ZNF664: variants seen among roughly 807,000 people sequenced by gnomAD.
The protein encoded by ZNF664 is zinc finger Organ of Corti 1.
A neutral mutation model predicts 18.2 loss-of-function variants in ZNF664; 10 were observed. The observed-to-expected ratio is 0.55, with a 90% confidence interval of 0.34 to 0.93. The LOEUF (loss-of-function observed/expected upper bound fraction) is 0.93, where lower values mean the gene tolerates loss of function less well. ZNF664 is among the 40% of genes least tolerant of loss of function. The pLI is 0.02. For synonymous variants in ZNF664, 119 were observed against 104.2 expected (o/e 1.14, Z -0.86); for missense variants, 193 against 319.0 (o/e 0.61, Z 3.01).
intron 3 of ZNF664, among the ~76,000 whole-genome samples, chr12:124,001,610 C>CCTGACCT (rs1222991025): frequency 6.6e-6 from 1 of 152,200 alleles, no homozygotes; most frequent in Non-Finnish European, 1.5e-5. Context: ...AGTGGTCTCC[C>CCTGACCT]CTGACCTCTG....
intron 2 of ZNF664, among the ~76,000 whole-genome samples, chr12:123,976,648 G>A (rs897271484): frequency 6.6e-6 from 1 of 152,164 alleles, no homozygotes; most frequent in Non-Finnish European, 1.5e-5. Flanking sequence ...ATGTGGGGGC[G>A]TGTTGGGGGT....
chr12:123,982,592 TAGA>T (rs1956778500), intron 2 of ZNF664, among the ~76,000 whole-genome samples: 1 of 152,156 alleles, frequency 6.6e-6, no homozygotes, highest in Non-Finnish European at 1.5e-5. Context: ...CCAAATTCTC[TAGA>T]AGGACAATCT....
intron 3 of ZNF664, chr12:123,989,445 AAG>A (rs1374955026): frequency 6.6e-6 from 1 of 152,186 alleles, no homozygotes; most frequent in Non-Finnish European, 1.5e-5. Flanking sequence ...CGTGAGTGGT[AAG>A]ACCAAAGAGT....
At chr12:123,993,353 T>G (rs968997667) in intron 3 of ZNF664, among the ~76,000 whole-genome samples, 3 of 152,174 alleles carry the variant, frequency 2.0e-5, no homozygotes, top group Non-Finnish European at 4.4e-5. Flanking sequence ...ATTTCAGAAC[T>G]ATTGATGATG....
Position 124,015,296 on chromosome 12 carries a change from G to C in ZNF664, c.*2366G>C, listed in dbSNP as rs2138479885. ...AATTATTTTATCATGCTGTTGCTGG[G>C]GAATATGACTAACCCTTTTGAAGCT... On this transcript the variant is annotated 3_prime_UTR_variant, in exon 5 of 5. Coordinates refer to ENST00000337815, the MANE Select transcript of ZNF664 (RefSeq NM_152437.3). 6.0e-6 allele frequency: 1 copy of C among 167,114 alleles called. No individual in the cohort carries two copies. Among genetic ancestry groups the C allele is most frequent in the South Asian group, 2.1e-4 (1 of 4,820 alleles). The allele number at this position is 167,114 out of a possible 1,614,324, so 10.4% of individuals were successfully genotyped here.
Position 124,012,111 on chromosome 12 carries a change from T to G in ZNF664, c.-34T>G. ...GTAACTGTAGTAATCATAAGGAAAT[T>G]TTCTCCTTGAAATCACGATACCAAA... is the stretch of plus-strand genomic sequence containing the variant. On this transcript the variant is annotated 5_prime_UTR_variant, in exon 5 of 5. The change creates a new upstream start codon in the 5' untranslated region. Transcript: ENST00000337815. 1 of 1,571,906 alleles carries G rather than the reference T, an allele frequency of 6.4e-7. No individual in the cohort carries two copies. The highest frequency in any genetic ancestry group is 1.2e-5 in the South Asian group (1 of 82,354).
rs563231083 is a variant in ZNF664 at position 123,977,548 on chromosome 12, T to G, written c.-757+3528T>G. Among the ~76,000 whole-genome samples the G allele has an allele frequency of 7.1e-4, 107 of 150,898 alleles. 1 individual carries two copies. Among genetic ancestry groups the G allele is most frequent in the African/African-American group, 2.3e-3 (96 of 41,076 alleles). ...AGTGAACCGTGTAGGCACAACCTTA[T>G]AGAGTCAAGTGTGCACTCTGTGGAG... is the stretch of plus-strand genomic sequence containing the variant. On this transcript the variant is annotated intron_variant, in intron 2 of 4. Coordinates refer to ENST00000337815, the MANE Select transcript of ZNF664 (RefSeq NM_152437.3).
rs999129466 is a variant in ZNF664 at position 123,985,457 on chromosome 12, T to A, written c.-756-2586T>A. Among the ~76,000 whole-genome samples, 4 of 152,250 alleles carry A rather than the reference T, an allele frequency of 2.6e-5. No individual in the cohort carries two copies. The South Asian group carries it at 8.3e-4, about 31-fold the overall frequency. On this transcript the variant is annotated intron_variant, in intron 2 of 4. Coordinates refer to ENST00000337815, the MANE Select transcript of ZNF664 (RefSeq NM_152437.3). ...TTACTATTCTGACACACGTCAAATG[T>A]TAAATCCTTTAAATCTATGAGACCA...
At chr12:124,005,520 T>TGTGTGA (rs1957062755) in intron 3 of ZNF664, among the ~76,000 whole-genome samples, 1 of 149,538 alleles carries the variant, frequency 6.7e-6, no homozygotes, top group Admixed American at 6.7e-5. Context: ...TGTGTGTGTG[T>TGTGTGA]GTGTGAGAGA....
At position 123,973,955 on chromosome 12, in the gene ZNF664, G is replaced by T. The variant is rs1956641400; in HGVS notation, c.-822G>T. 1.2e-5 allele frequency: 15 copies of T among 1,231,946 alleles called. No homozygotes were observed. The highest frequency in any genetic ancestry group is 1.5e-5 in the Non-Finnish European group (15 of 988,106). 76.3% of individuals were successfully genotyped at this position (1,231,946 alleles called of 1,614,324 possible). On this transcript the variant is annotated 5_prime_UTR_variant, in exon 2 of 5. Coordinates refer to ENST00000337815, the MANE Select transcript of ZNF664 (RefSeq NM_152437.3). ...ATGAGGAACCCCTCGCGCACCCAGC[G>T]CAGAAGGCTGCTGCCGCCGGACGCC...
At chr12:123,982,667 A>G (rs1157408010) in intron 2 of ZNF664, among the ~76,000 whole-genome samples, 1 of 152,150 alleles carries the variant, frequency 6.6e-6, no homozygotes, top group Non-Finnish European at 1.5e-5. Flanking sequence ...CGCTTACAGG[A>G]GCAGATTCAT....
At chr12:123,986,896 T>C (rs1956831764) in intron 2 of ZNF664, among the ~76,000 whole-genome samples, 1 of 152,358 alleles carries the variant, frequency 6.6e-6, no homozygotes, top group South Asian at 2.1e-4. Flanking sequence ...AATATTATCC[T>C]GCTAACAGCT....
chr12:123,988,266 C>A, intron 3 of ZNF664, 128 bp downstream of exon 3: 1 of 771,904 alleles, frequency 1.3e-6, no homozygotes, highest in East Asian at 3.4e-5. Context: ...AGCAGCTCTC[C>A]GTGCACGCTC....
chr12:124,010,006 A>G (rs1400793642), intron 3 of ZNF664, among the ~76,000 whole-genome samples: 7 of 150,992 alleles, frequency 4.6e-5, no homozygotes, highest in South Asian at 2.1e-4. Flanking sequence ...CTAGTTCCCT[A>G]TCGATGGCCT....
At position 123,973,310 on chromosome 12, in the gene ZNF664, G is replaced by T. The variant is rs1450562804; in HGVS notation, c.-934G>T. 4.9e-6 allele frequency: 4 copies of T among 810,358 alleles called. No homozygotes were observed. The highest frequency in any genetic ancestry group is 5.8e-4 in the Middle Eastern group (1 of 1,726). 50.2% of individuals were successfully genotyped at this position (810,358 alleles called of 1,614,324 possible). On this transcript the variant is annotated 5_prime_UTR_variant, in exon 1 of 5. Transcript: ENST00000337815. ...TGTCCCTGAGGAGAGGGAGGTGGGT[G>T]CGCGGCGCCCGCGGCCTGGGGCGCT...
chr12:124,008,773 T>C (rs966924609), intron 3 of ZNF664, among the ~76,000 whole-genome samples: 36 of 152,218 alleles, frequency 2.4e-4, no homozygotes, highest in Non-Finnish European at 7.3e-5. Context: ...GCCTTTCTTA[T>C]TCCTTTTGAT....
In ZNF664 at chr12:124,012,206, A is replaced by G. The variant is rs1957142221; in HGVS notation, c.62A>G (p.His21Arg). 6.2e-7 allele frequency: 1 copy of G among 1,613,760 alleles called. No homozygotes were observed. The highest frequency in any genetic ancestry group is 1.7e-5 in the Admixed American group (1 of 59,952). ...TCTGAGAGAGCAGATCTTTTTATGC[A>G]TCAGAAAATTCACACAGCTGAGAAG... Reference protein sequence around the residue: ...FFSERADLFMHQKIHTAEKPH... With the variant: ...FFSERADLFMRQKIHTAEKPH... Residue 21 changes from histidine (H) to arginine (R), a missense_variant, in exon 5 of 5, where the codon CAT (histidine) becomes CGT (arginine). Physicochemically the swap from His to Arg is conservative, Grantham distance 29 (BLOSUM62 0). Coordinates refer to ENST00000337815, the MANE Select transcript of ZNF664 (RefSeq NM_152437.3).
chr12:123,977,845 A>G (rs1451086206), intron 2 of ZNF664, among the ~76,000 whole-genome samples: 1 of 152,234 alleles, frequency 6.6e-6, no homozygotes, highest in African/African-American at 2.4e-5. Context: ...TGGAAATGTC[A>G]TAAATAATAA....
Position 123,973,877 on chromosome 12 carries a change from GTTTTTC to G in ZNF664, c.-891-8_-891-3del. 8.1e-7 allele frequency: 1 copy of G among 1,231,822 alleles called. No individual in the cohort carries two copies. The highest frequency in any genetic ancestry group is 1.0e-6 in the Non-Finnish European group (1 of 988,078). The allele number at this position is 1,231,822 out of a possible 1,614,324, so 76.3% of individuals were successfully genotyped here. On this transcript the variant is annotated splice_polypyrimidine_tract_variant and splice_region_variant and intron_variant, in intron 1 of 4. Coordinates refer to ENST00000337815, the MANE Select transcript of ZNF664 (RefSeq NM_152437.3). ...GAGCCGGCTGCATGGGGTGCTGTGT[GTTTTTC>G]AGGGCGCCCTGCGTCCGGCAGAGGA...
Sources: gnomAD v4.1 joint callset for allele counts (sites outside exome capture counted in the v4.1 genomes callset) on GRCh38, gnomAD v4.1.1 for gene constraint, MANE v1.5 for transcripts, NCBI Gene and HGNC (gene_info 2026-07-23, HGNC 2026-07-21) for gene names.